Variants in TMEM231 observed in about 807,000 individuals in gnomAD.
TMEM231 encodes transmembrane protein 231.
In TMEM231, 40 loss-of-function variants were observed where a neutral mutation model predicts 38.5. The observed-to-expected ratio is 1.04, with a 90% CI of 0.81 to 1.35. The LOEUF (loss-of-function observed/expected upper bound fraction) is 1.35, where lower values mean the gene tolerates loss of function less well. Ranked by LOEUF, TMEM231 falls within the 40% of genes most tolerant of loss-of-function variation. The pLI is 0.00. For missense variants in TMEM231, 420 were observed against 416.9 expected, an observed-to-expected ratio of 1.01 and a Z score of -0.07; for synonymous variants, 199 against 181.7, an observed-to-expected ratio of 1.10 and a Z score of -0.77.
chr16:75,556,052 G>A lies in TMEM231; in HGVS notation c.139+19C>T. 1.3e-6 allele frequency: 2 copies of A among 1,564,736 alleles called. No homozygotes were observed. The highest frequency in any genetic ancestry group is 1.7e-6 in the Non-Finnish European group (2 of 1,155,346). ...CGCGCCCGGGGAGCCTCGTGGCACA[G>A]CGGCCGGGGCAGGCTCACCGTGGCT... On this transcript the variant is annotated intron_variant, in intron 1 of 6. Transcript: ENST00000258173.
intron 6 of TMEM231, 141 bp from the exon 7 acceptor site, chr16:75,540,315 C>G: frequency 1.2e-6 from 1 of 828,562 alleles, no homozygotes; most frequent in Non-Finnish European, 1.8e-6. Context: ...CTGACCTGAA[C>G]TTGGCCAAAT....
chr16:75,547,279 T>G (rs188929723), intron 2 of TMEM231, among the ~76,000 whole-genome samples: 5 of 152,358 alleles, frequency 3.3e-5, no homozygotes, highest in South Asian at 2.1e-4. Flanking sequence ...AAGAGATTTT[T>G]TGTGTGTGTG....
At chr16:75,552,925 G>C (rs1175729860) in intron 2 of TMEM231, among the ~76,000 whole-genome samples, 2 of 152,152 alleles carry the variant, frequency 1.3e-5, no homozygotes, top group Non-Finnish European at 2.9e-5. Context: ...GTCCACACAT[G>C]CCTTCAAGAG....
In TMEM231 at chr16:75,556,199, T is replaced by C. The variant is rs1597051521; in HGVS notation, c.11A>G (p.Tyr4Cys). 9 of 1,472,398 alleles carry C rather than the reference T, an allele frequency of 6.1e-6. No homozygotes were observed. The highest frequency in any genetic ancestry group is 1.4e-5 in the African/African-American group (1 of 69,340). 91.2% of individuals were successfully genotyped at this position (1,472,398 alleles called of 1,614,324 possible). A position where few individuals can be genotyped will look rare whatever the true frequency, so the allele number is the denominator to read the frequency against. MAL[Y>C]ELFSHPVERS... ...CTCGACCGGGTGAGAGAAGAGCTCA[T>C]AGAGCGCCATGAGCACCGCTCGCAG... Residue 4 changes from tyrosine (Y) to cysteine (C), a missense_variant, in exon 1 of 7, where the codon TAT (tyrosine) becomes TGT (cysteine). By Grantham distance (194) the Tyr-to-Cys change is radical. Coordinates refer to ENST00000258173, the MANE Select transcript of TMEM231 (RefSeq NM_001077418.3).
rs1219610835 is a variant in TMEM231 at position 75,555,879 on chromosome 16, G to C, written c.234C>G (p.Asp78Glu). 6.3e-7 allele frequency: 1 copy of C among 1,593,320 alleles called. No homozygotes were observed. Among genetic ancestry groups the C allele is most frequent in the Non-Finnish European group, 8.5e-7 (1 of 1,170,250 alleles). The change falls in exon 2 of 7, where the codon GAC (aspartate) becomes GAG (glutamate). Residue 78 changes from aspartate to glutamate, a missense_variant. Physicochemically the swap from Asp to Glu is conservative, Grantham distance 45. Transcript: ENST00000258173. Reference protein sequence around the residue: ...LLVALLGPESDGFLAWSTFPA... With the variant: ...LLVALLGPESEGFLAWSTFPA... Reference sequence around the variant, plus strand: ...GGAACGTGCTCCAGGCGAGGAACCCGTCGCTTTCGGGTCCGAGCAGGGCCA... The same window carrying C: ...GGAACGTGCTCCAGGCGAGGAACCCCTCGCTTTCGGGTCCGAGCAGGGCCA...
chr16:75,542,713 G>C (rs540542737), intron 4 of TMEM231, 30 bp from the exon 5 acceptor site: 1 of 1,601,002 alleles, frequency 6.2e-7, no homozygotes, highest in Non-Finnish European at 8.6e-7. Context: ...TGTGGTGTGA[G>C]CACCTGGGAG....
At chr16:75,553,763 T>C (rs1279254608) in intron 2 of TMEM231, among the ~76,000 whole-genome samples, 5 of 152,036 alleles carry the variant, frequency 3.3e-5, no homozygotes, top group Non-Finnish European at 5.9e-5. Context: ...GCTCAAGCAA[T>C]CCTCCTGCCT....
At chr16:75,550,376 C>A (rs2151706242) in intron 2 of TMEM231, among the ~76,000 whole-genome samples, 1 of 152,178 alleles carries the variant, frequency 6.6e-6, no homozygotes, top group East Asian at 1.9e-4. Flanking sequence ...GCAGTGGTGA[C>A]TGGTTTCATT....
intron 6 of TMEM231, 43 bp from the exon 7 acceptor site, chr16:75,540,217 T>C: frequency 3.9e-6 from 6 of 1,554,796 alleles, no homozygotes; most frequent in Middle Eastern, 1.7e-4. Context: ...GTGTTAAGTA[T>C]GAAGAGAAAA....
chr16:75,543,564 T>C (rs1275346368), intron 4 of TMEM231, among the ~76,000 whole-genome samples: 2 of 152,130 alleles, frequency 1.3e-5, no homozygotes, highest in African/African-American at 4.8e-5. Flanking sequence ...AGCAAGACTC[T>C]GTCTCAAAAA....
intron 4 of TMEM231, among the ~76,000 whole-genome samples, chr16:75,543,318 A>G (rs1371143903): frequency 6.6e-6 from 1 of 152,148 alleles, no homozygotes; most frequent in East Asian, 1.9e-4. Flanking sequence ...TCTAATCCCA[A>G]CACTTTGGGA....
intron 2 of TMEM231, among the ~76,000 whole-genome samples, chr16:75,547,195 C>T (rs1226679278): frequency 2.0e-5 from 3 of 152,190 alleles, no homozygotes; most frequent in African/African-American, 4.8e-5. Flanking sequence ...ATTCTACTAT[C>T]GTGTAGCAGC....
chr16:75,553,723 A>G (rs1056518387), intron 2 of TMEM231, among the ~76,000 whole-genome samples: 1 of 150,926 alleles, frequency 6.6e-6, no homozygotes, highest in African/African-American at 2.4e-5. Flanking sequence ...GGGTCTTGCT[A>G]TGTTGCCCAC....
At chr16:75,540,246 G>A (rs761685616) in intron 6 of TMEM231, 72 bp from the exon 7 acceptor site, 5 of 1,454,256 alleles carry the variant, frequency 3.4e-6, no homozygotes, top group Non-Finnish European at 4.6e-6. Context: ...GGAATTGGCT[G>A]TGGCAGAGGT....
chr16:75,547,827 G>A (rs965184606), intron 2 of TMEM231, among the ~76,000 whole-genome samples: 2 of 152,122 alleles, frequency 1.3e-5, no homozygotes, highest in Admixed American at 6.6e-5. Flanking sequence ...GTCTCCTGTG[G>A]ATTTTCTTCA....
chr16:75,553,181 T>C (rs2080779940), intron 2 of TMEM231, among the ~76,000 whole-genome samples: 1 of 152,204 alleles, frequency 6.6e-6, no homozygotes, highest in Admixed American at 6.5e-5. Flanking sequence ...CTGTTTCCTT[T>C]GCCTTCTGGA....
At position 75,556,214 on chromosome 16, in the gene TMEM231, A is replaced by T. The variant is rs1275221787; in HGVS notation, c.-5T>A. On this transcript the variant is annotated 5_prime_UTR_variant, in exon 1 of 7. Coordinates refer to ENST00000258173, the MANE Select transcript of TMEM231 (RefSeq NM_001077418.3). ...GAAGAGCTCATAGAGCGCCATGAGC[A>T]CCGCTCGCAGGCACTCCGCGAGCCG... 2 of 1,424,508 alleles carry T rather than the reference A, an allele frequency of 1.4e-6. No individual in the cohort carries two copies. Among genetic ancestry groups the T allele is most frequent in the East Asian group, 5.6e-5 (2 of 35,978 alleles). 88.2% of individuals were successfully genotyped at this position (1,424,508 alleles called of 1,614,324 possible).
chr16:75,541,947 A>G (rs1006352054), intron 5 of TMEM231: 1 of 153,338 alleles, frequency 6.5e-6, no homozygotes, highest in African/African-American at 2.4e-5. Context: ...CAATAATGCC[A>G]CTAGTATATG....
intron 6 of TMEM231, among the ~76,000 whole-genome samples, chr16:75,540,990 C>G (rs994479085): frequency 3.3e-5 from 5 of 152,086 alleles, no homozygotes; most frequent in Non-Finnish European, 7.4e-5. Flanking sequence ...TCTTTGAAAA[C>G]TGAGCTACCA....
Sources: gnomAD v4.1 joint callset for allele counts (sites outside exome capture counted in the v4.1 genomes callset) on GRCh38, gnomAD v4.1.1 for gene constraint, MANE v1.5 for transcripts, NCBI Gene and HGNC (gene_info 2026-07-23, HGNC 2026-07-21) for gene names.